The following SSH1 variants were observed in gnomAD, a reference collection of about 807,000 sequenced individuals.
The protein encoded by SSH1 is protein phosphatase Slingshot homolog 1.
Under a neutral mutation model 79.7 loss-of-function variants are expected in SSH1, and 43 were observed. That is an observed-to-expected ratio of 0.54 (90% CI 0.42 to 0.70). The LOEUF is 0.70. Among genes scored for constraint, SSH1 ranks in the 30% least tolerant of loss-of-function variants. The probability of loss-of-function intolerance (pLI) is 0.00; values close to 1 mark genes in which losing one functional copy is unlikely to be tolerated. For missense variants in SSH1, 1,206 were observed against 1,358.8 expected, an observed-to-expected ratio of 0.89 and a Z score of 1.77; for synonymous variants, 599 against 538.3, an observed-to-expected ratio of 1.11 and a Z score of -1.56.
At chr12:108,832,576 T>C (rs2038500324) in intron 2 of SSH1, among the ~76,000 whole-genome samples, 1 of 152,236 alleles carries the variant, frequency 6.6e-6, no homozygotes, top group South Asian at 2.1e-4. Flanking sequence ...CAAAGTGAAG[T>C]TGATAAAGAT....
chr12:108,856,284 C>T (rs1226739831), intron 1 of SSH1, among the ~76,000 whole-genome samples: 1 of 152,228 alleles, frequency 6.6e-6, no homozygotes, highest in East Asian at 1.9e-4. Flanking sequence ...AGAGGGCTGA[C>T]CTGCTCAGAG....
At chr12:108,853,749 C>A (rs551419429) in intron 1 of SSH1, among the ~76,000 whole-genome samples, 1 of 152,068 alleles carries the variant, frequency 6.6e-6, no homozygotes, top group Non-Finnish European at 1.5e-5. Flanking sequence ...CAAGGTGACA[C>A]GCTGTCTCTA....
Position 108,787,783 on chromosome 12 carries a change from G to C in SSH1, c.*205C>G, listed in dbSNP as rs1173310687. ...GGCCGGCGGCTCCTGGTTCTCCCAG[G>C]CCACACGACTGACAGCTCCCCTTCT... On this transcript the variant is annotated 3_prime_UTR_variant, in exon 15 of 15. Coordinates refer to ENST00000326495, the MANE Select transcript of SSH1 (RefSeq NM_018984.4). The C allele has an allele frequency of 1.5e-6, 1 of 664,418 alleles. No homozygotes were observed. The highest frequency in any genetic ancestry group is 2.5e-6 in the Non-Finnish European group (1 of 398,208). The allele number at this position is 664,418 out of a possible 1,614,324, so 41.2% of individuals were successfully genotyped here.
intron 5 of SSH1, among the ~76,000 whole-genome samples, chr12:108,812,633 G>A (rs904022153): frequency 1.3e-5 from 2 of 152,210 alleles, no homozygotes; most frequent in Non-Finnish European, 2.9e-5. Flanking sequence ...CCCCTAGGCC[G>A]GCCTCCCTTG....
At position 108,807,418 on chromosome 12, in the gene SSH1, ATT is replaced by A. The variant is rs35206418; in HGVS notation, c.731+213_731+214del. On this transcript the variant is annotated intron_variant, in intron 8 of 14. Transcript: ENST00000326495. This position sits in a 1 kb window ranked among gnomAD's most constrained non-coding sequence, Gnocchi z 5.2. ...AATGCATTCACCAAATTCATCAGTA[ATT>A]TTTTTTTTTTTTTTCTTTTTTTTGC... 0.34 allele frequency among the ~76,000 whole-genome samples: 48,677 copies of A among 143,442 alleles called. 8,252 individuals are homozygous for A. The highest frequency in any genetic ancestry group is 0.59 in the East Asian group (2,894 of 4,942). The allele number at this position is 143,442 out of a possible 152,430, so 94.1% of individuals were successfully genotyped here. A position where few individuals can be genotyped will look rare whatever the true frequency, so the allele number is the denominator to read the frequency against.
intron 13 of SSH1, among the ~76,000 whole-genome samples, chr12:108,796,868 G>C (rs1321068694): frequency 6.6e-6 from 1 of 151,686 alleles, no homozygotes; most frequent in African/African-American, 2.4e-5. Context: ...TCAGCCTCCT[G>C]AGTAGCTGGG....
At chr12:108,852,701 T>C in intron 1 of SSH1, 23 bp from the exon 2 acceptor site, 1 of 1,614,020 alleles carries the variant, frequency 6.2e-7, no homozygotes, top group Non-Finnish European at 8.5e-7. Flanking sequence ...AAAGAGAATA[T>C]CACACCACAG....
At chr12:108,851,013 G>A (rs1259414963) in intron 2 of SSH1, among the ~76,000 whole-genome samples, 1 of 151,838 alleles carries the variant, frequency 6.6e-6, no homozygotes, top group Admixed American at 6.6e-5. Flanking sequence ...TCTGCAACTC[G>A]GCCCATGACT....
At chr12:108,837,146 C>T (rs2038655692) in intron 2 of SSH1, 20 of 329,138 alleles carry the variant, frequency 6.1e-5, no homozygotes, top group South Asian at 3.9e-4. Context: ...GCACAAGAAT[C>T]GCTTGAACCC....
chr12:108,787,715 G>T lies in SSH1; in HGVS notation c.*273C>A, dbSNP rs2036322427. On this transcript the variant is annotated 3_prime_UTR_variant, in exon 15 of 15. Coordinates refer to ENST00000326495, the MANE Select transcript of SSH1 (RefSeq NM_018984.4). Reference sequence around the variant, plus strand: ...GTGTGCACGTTCTTCCTAAAACATGGTTCTTCTTGAAGACACGGTGGGAGC... The same window carrying T: ...GTGTGCACGTTCTTCCTAAAACATGTTTCTTCTTGAAGACACGGTGGGAGC... 3.9e-6 allele frequency: 2 copies of T among 508,556 alleles called. No homozygotes were observed. The highest frequency in any genetic ancestry group is 3.2e-5 in the Admixed American group (1 of 30,992). 31.5% of individuals were successfully genotyped at this position (508,556 alleles called of 1,614,324 possible).
rs1423180027 is a variant in SSH1 at position 108,857,159 on chromosome 12, G to A, written c.69+269C>T. Among the ~76,000 whole-genome samples, 3 of 152,312 alleles carry A rather than the reference G, an allele frequency of 2.0e-5. No homozygotes were observed. The highest frequency in any genetic ancestry group is 2.9e-5 in the Non-Finnish European group (2 of 68,018). ...AGTATCCTGCAGACACTCCCAGAGG[G>A]GTCGCACTGCATACACAGTCCCTGC... On this transcript the variant is annotated intron_variant, in intron 1 of 14. Transcript: ENST00000326495. This position sits in a 1 kb window ranked among gnomAD's most constrained non-coding sequence, Gnocchi z 4.7.
chr12:108,809,094 A>G (rs1350615656), intron 7 of SSH1, among the ~76,000 whole-genome samples: 1 of 149,464 alleles, frequency 6.7e-6, no homozygotes, highest in Non-Finnish European at 1.5e-5. Flanking sequence ...GTGGCCTCCC[A>G]AAGTGCTGGG....
At position 108,807,923 on chromosome 12, in the gene SSH1, G is replaced by A; in HGVS notation, c.537-96C>T. 1.8e-6 allele frequency: 2 copies of A among 1,084,048 alleles called. No homozygotes were observed. The highest frequency in any genetic ancestry group is 2.8e-6 in the Non-Finnish European group (2 of 720,806). The allele number at this position is 1,084,048 out of a possible 1,614,324, so 67.2% of individuals were successfully genotyped here. ...GGGGTTCAAATACGGGAAGGGAAGGGCAATGATTGATTGGTTGATTATTTC... is the reference window on the plus strand; with the variant it reads ...GGGGTTCAAATACGGGAAGGGAAGGACAATGATTGATTGGTTGATTATTTC... On this transcript the variant is annotated intron_variant, in intron 7 of 14. Transcript: ENST00000326495. The surrounding 1 kb of genome is among the most constrained non-coding windows in gnomAD (Gnocchi z 5.2).
intron 3 of SSH1, among the ~76,000 whole-genome samples, chr12:108,819,114 CG>C (rs1414068454): frequency 1.3e-5 from 2 of 151,690 alleles, no homozygotes; most frequent in African/African-American, 4.8e-5. Flanking sequence ...ACCGGGGGGG[CG>C]GGGGGAAATG....
chr12:108,833,105 C>T (rs2038513382), intron 2 of SSH1, among the ~76,000 whole-genome samples: 1 of 151,560 alleles, frequency 6.6e-6, no homozygotes, highest in East Asian at 1.9e-4. Context: ...TTCAAACCAA[C>T]GGGTAGCGGC....
At chr12:108,793,259 C>A (rs1384428883) in intron 13 of SSH1, among the ~76,000 whole-genome samples, 1 of 152,174 alleles carries the variant, frequency 6.6e-6, no homozygotes, top group South Asian at 2.1e-4. Flanking sequence ...CAGATCTATA[C>A]ACGATAATAC....
At chr12:108,816,659 G>A (rs927718375) in intron 5 of SSH1, among the ~76,000 whole-genome samples, 27 of 152,206 alleles carry the variant, frequency 1.8e-4, no homozygotes, top group Non-Finnish European at 3.5e-4. Context: ...CCCTCTGCCT[G>A]AGAGGGTCTC....
intron 13 of SSH1, among the ~76,000 whole-genome samples, chr12:108,795,733 A>G (rs993252060): frequency 1.3e-5 from 2 of 151,932 alleles, no homozygotes; most frequent in Non-Finnish European, 2.9e-5. Context: ...TGTGGTGCGC[A>G]CCTGTAGTCC....
rs2036154429 is a variant in SSH1, at chr12:108,782,234, G to T, written c.*5754C>A. ...ACCAAAAGCTGCCTGGGGTGAAGTG[G>T]ACTGGGACATGAGCATGCACCTTGG... On this transcript the variant is annotated 3_prime_UTR_variant, in exon 15 of 15. Coordinates refer to ENST00000326495, the MANE Select transcript of SSH1 (RefSeq NM_018984.4). The T allele has an allele frequency of 6.6e-6, 1 of 151,972 alleles. No individual in the cohort carries two copies. Among genetic ancestry groups the T allele is most frequent in the Non-Finnish European group, 1.5e-5 (1 of 68,024 alleles). 9.4% of individuals were successfully genotyped at this position (151,972 alleles called of 1,614,324 possible).
Sources: allele counts gnomAD v4.1 joint callset (sites outside exome capture counted in the v4.1 genomes callset), GRCh38; gene constraint gnomAD v4.1.1; non-coding constraint Gnocchi (gnomAD v3.1); transcripts MANE v1.5; gene names NCBI Gene and HGNC (gene_info 2026-07-23, HGNC 2026-07-21).